The following NR2E1 variants were observed in gnomAD, a reference collection of about 807,000 sequenced individuals.
NR2E1 encodes nuclear receptor TLX.
Under a neutral mutation model 43.6 loss-of-function variants are expected in NR2E1, and 5 were observed. The ratio of observed to expected loss-of-function variants is 0.11; its 90% CI spans 0.06 to 0.24. The LOEUF is 0.24. Among genes scored for constraint, NR2E1 ranks in the 10% least tolerant of loss-of-function variants. The pLI is 1.00. For synonymous variants in NR2E1, 191 were observed against 195.5 expected (o/e 0.98, Z 0.19); for missense variants, 287 against 496.7 (o/e 0.58, Z 4.01).
chr6:108,170,786 C>G (rs906875161), intron 1 of NR2E1, among the ~76,000 whole-genome samples: 3 of 152,062 alleles, frequency 2.0e-5, no homozygotes, highest in African/African-American at 7.2e-5. Context: ...TGCCTAGTCC[C>G]GAACCACTTT....
chr6:108,170,042 C>T (rs1773785045), intron 1 of NR2E1, among the ~76,000 whole-genome samples: 1 of 150,954 alleles, frequency 6.6e-6, no homozygotes, highest in South Asian at 2.1e-4. Context: ...CTCGCCCGGA[C>T]GCCTCGGGTT....
Position 108,171,449 on chromosome 6 carries a change from C to A in NR2E1, c.26-9C>A, listed in dbSNP as rs1773810139. Reference sequence around the variant, plus strand: ...CTTCCCCCCTTCCCCGTCTTTCCTGCGATTTCAGGCCGCATTTTAGATATC... The same window carrying A: ...CTTCCCCCCTTCCCCGTCTTTCCTGAGATTTCAGGCCGCATTTTAGATATC... On this transcript the variant is annotated splice_polypyrimidine_tract_variant and intron_variant, in intron 1 of 8. Transcript: ENST00000368986. 3.1e-6 allele frequency: 5 copies of A among 1,613,690 alleles called. No homozygotes were observed. The highest frequency in any genetic ancestry group is 4.2e-6 in the Non-Finnish European group (5 of 1,179,886).
At chr6:108,181,108 A>G (rs1253393091) in intron 7 of NR2E1, 152 bp downstream of exon 7, 7 of 860,232 alleles carry the variant, frequency 8.1e-6, no homozygotes, top group Non-Finnish European at 9.9e-6. Flanking sequence ...TTTTATTGCT[A>G]TGGGAACCTG....
chr6:108,178,379 G>A, intron 5 of NR2E1, 138 bp downstream of exon 5: 1 of 839,898 alleles, frequency 1.2e-6, no homozygotes, highest in Non-Finnish European at 2.0e-6. Flanking sequence ...GAAACTACTT[G>A]TTTTTACTTG....
rs1205275048 is a variant in NR2E1, at chr6:108,174,838, A to C, written c.174A>C (p.Gly58=). The C allele has an allele frequency of 3.7e-6, 6 of 1,613,618 alleles. No individual in the cohort carries two copies. Among genetic ancestry groups the C allele is most frequent in the Admixed American group, 3.3e-5 (2 of 60,006 alleles). The change falls in exon 3 of 9, where the codon GGA becomes GGC. Residue 58 remains glycine (G), a splice_region_variant and synonymous_variant. Transcript: ENST00000368986. ...TGACCTCCTGCTCTCTGTTCCAGGG[A>C]GGCTGTCCGGTGGACAAGACGCACA... ...RTYVCKSGNQ[G]GCPVDKTHRN... is the part of the protein sequence containing the mutation.
chr6:108,180,402 C>T lies in NR2E1; in HGVS notation c.722C>T (p.Thr241Ile). ...AQWAIPVDAN[T>I]LLAVSGMNGD... Reference sequence around the variant, plus strand: ...TGGGCCATTCCGGTTGATGCTAACACTCTACTGGCTGTATCTGGTAAGAAT... The same window carrying T: ...TGGGCCATTCCGGTTGATGCTAACATTCTACTGGCTGTATCTGGTAAGAAT... The change falls in exon 6 of 9, where the codon ACT (threonine) becomes ATT (isoleucine). Residue 241 changes from threonine to isoleucine, a missense_variant. Thr to Ile is a moderately conservative substitution (Grantham distance 89, BLOSUM62 -1). Around this residue, in one of 4 missense-constraint regions of NR2E1, gnomAD observed 119 missense variants for 187.0 expected, o/e 0.64. Transcript: ENST00000368986. The surrounding 1 kb of genome is among the most constrained non-coding windows in gnomAD (Gnocchi z 5.4). The T allele has an allele frequency of 1.2e-6, 2 of 1,607,398 alleles. No individual in the cohort carries two copies. The highest frequency in any genetic ancestry group is 1.7e-6 in the Non-Finnish European group (2 of 1,173,998).
chr6:108,176,773 C>A, intron 4 of NR2E1, 35 bp downstream of exon 4: 1 of 1,524,464 alleles, frequency 6.6e-7, no homozygotes, highest in Non-Finnish European at 8.8e-7. Context: ...GAGACTCGTG[C>A]CAGCGAATGG....
At chr6:108,168,262 C>A in intron 1 of NR2E1, 2 of 1,258,388 alleles carry the variant, frequency 1.6e-6, no homozygotes, top group Non-Finnish European at 2.2e-6. Flanking sequence ...GCCTCCGTTG[C>A]AAAAACTGAA....
At position 108,176,688 on chromosome 6, in the gene NR2E1, A is replaced by G. The variant is rs1282322517; in HGVS notation, c.445A>G (p.Thr149Ala). The G allele has an allele frequency of 3.8e-6, 6 of 1,597,498 alleles. No individual in the cohort carries two copies. Among genetic ancestry groups the G allele is most frequent in the South Asian group, 2.2e-5 (2 of 89,722 alleles). ...PHGLELAAVS[T>A]TPERQTLVSL... ...CGGCCTGGAGCTGGCCGCGGTGTCCACCACTCCAGAGCGGCAGACCCTCGT... is the reference window on the plus strand; with the variant it reads ...CGGCCTGGAGCTGGCCGCGGTGTCCGCCACTCCAGAGCGGCAGACCCTCGT... Residue 149 changes from threonine to alanine, a missense_variant, in exon 4 of 9, where the codon ACC becomes GCC. Physicochemically the swap from Thr to Ala is moderately conservative, Grantham distance 58. Transcript: ENST00000368986.
chr6:108,171,939 A>G (rs1374657625), intron 2 of NR2E1, among the ~76,000 whole-genome samples: 1 of 152,230 alleles, frequency 6.6e-6, no homozygotes, highest in African/African-American at 2.4e-5. Context: ...TAAAGAATTT[A>G]GCATCTAAAC....
At chr6:108,187,093 G>C (rs1400637228) in intron 8 of NR2E1, among the ~76,000 whole-genome samples, 3 of 152,018 alleles carry the variant, frequency 2.0e-5, no homozygotes, top group Non-Finnish European at 4.4e-5. Context: ...GTGTGATTTT[G>C]GCAGCATCAT....
chr6:108,175,762 GGA>G (rs1176209637), intron 3 of NR2E1, among the ~76,000 whole-genome samples: 1 of 152,230 alleles, frequency 6.6e-6, no homozygotes, highest in East Asian at 1.9e-4. Flanking sequence ...AGCTCCAGGA[GGA>G]GAGAGAGCCC....
rs529419198 is a variant in NR2E1 at position 108,167,522 on chromosome 6, A to C, written c.25+732A>C. Reference sequence around the variant, plus strand: ...CTGACCTCTCACCACCCCGAGACTCACGAGCGCAGGGCTAAGTGTGTGTGC... The same window carrying C: ...CTGACCTCTCACCACCCCGAGACTCCCGAGCGCAGGGCTAAGTGTGTGTGC... On this transcript the variant is annotated intron_variant, in intron 1 of 8. Transcript: ENST00000368986. Among the ~76,000 whole-genome samples, 21 of 152,112 alleles carry C rather than the reference A, an allele frequency of 1.4e-4. No individual in the cohort carries two copies. In the East Asian group the frequency reaches 4.1e-3, roughly 30 times the overall value.
At chr6:108,179,043 G>A (rs1773944791) in intron 5 of NR2E1, 1 of 152,244 alleles carries the variant, frequency 6.6e-6, no homozygotes, top group South Asian at 2.1e-4. Context: ...ATTTTCCAAA[G>A]GCTAATAAGT....
intron 2 of NR2E1, 147 bp downstream of exon 2, chr6:108,171,750 A>G (rs1291279830): frequency 9.5e-7 from 1 of 1,052,686 alleles, no homozygotes; most frequent in Non-Finnish European, 1.5e-6. Flanking sequence ...TCTTGCCTCA[A>G]CTCTTGGAGG....
chr6:108,170,477 T>TCCCTGACACTCCTCCA (rs1773792810), intron 1 of NR2E1, among the ~76,000 whole-genome samples: 1 of 148,828 alleles, frequency 6.7e-6, no homozygotes, highest in Non-Finnish European at 1.5e-5. Context: ...TATTACCCTC[T>TCCCTGACACTCCTCCA]CCCTGACACT....
chr6:108,170,522 G>A (rs775524222), intron 1 of NR2E1, among the ~76,000 whole-genome samples: 3 of 151,156 alleles, frequency 2.0e-5, no homozygotes, highest in Admixed American at 2.0e-4. Context: ...GGCTTGAGGG[G>A]ATTCCAGGGA....
At chr6:108,178,022 A>G in intron 4 of NR2E1, 73 bp from the exon 5 acceptor site, 2 of 1,530,534 alleles carry the variant, frequency 1.3e-6, no homozygotes, top group Non-Finnish European at 1.8e-6. Flanking sequence ...TTAATTAGAA[A>G]TTAAAAGTTT....
At chr6:108,185,405 CACAT>C (rs981506956) in intron 8 of NR2E1, among the ~76,000 whole-genome samples, 4 of 94,202 alleles carry the variant, frequency 4.2e-5, no homozygotes, top group South Asian at 3.1e-4. Flanking sequence ...CACGCACACA[CACAT>C]ACACACACAC....
Sources: allele counts gnomAD v4.1 joint callset (sites outside exome capture counted in the v4.1 genomes callset), GRCh38; gene constraint gnomAD v4.1.1; regional missense constraint gnomAD v4.1.1; non-coding constraint Gnocchi (gnomAD v3.1); transcripts MANE v1.5; gene names NCBI Gene and HGNC (gene_info 2026-07-23, HGNC 2026-07-21).